Variants in PTPRT observed in about 807,000 individuals in gnomAD.
PTPRT encodes protein tyrosine phosphatase receptor type T, also known as receptor-type tyrosine-protein phosphatase T.
PTPRT carries 56 observed loss-of-function variants against 176.8 expected under a neutral mutation model. The ratio of observed to expected loss-of-function variants is 0.32; its 90% confidence interval spans 0.26 to 0.40. The LOEUF is 0.40. Ranked by LOEUF, PTPRT falls within the 10% of genes least tolerant of loss-of-function variation. PTPRT has a pLI of 1.00. For missense variants in PTPRT, 1,540 were observed against 1,908.2 expected, an observed-to-expected ratio of 0.81 and a Z score of 3.60; for synonymous variants, 783 against 739.0, an observed-to-expected ratio of 1.06 and a Z score of -0.96.
chr20:42,830,664 T>C (rs1286338020), intron 2 of PTPRT, among the ~76,000 whole-genome samples: 2 of 151,974 alleles, frequency 1.3e-5, no homozygotes, highest in African/African-American at 2.4e-5. Flanking sequence ...ACTCCCCCTG[T>C]TTGCATACAA....
chr20:43,172,455 C>T (rs977876508), intron 1 of PTPRT, among the ~76,000 whole-genome samples: 5 of 152,214 alleles, frequency 3.3e-5, no homozygotes, highest in Admixed American at 3.3e-4. Context: ...ACCGACTCAT[C>T]CTGATTTGTC....
chr20:42,600,662 G>A (rs528905357), intron 7 of PTPRT, among the ~76,000 whole-genome samples: 23 of 152,120 alleles, frequency 1.5e-4, no homozygotes, highest in African/African-American at 4.1e-4. Context: ...CACTCTGTAC[G>A]CCTGTGTGAA....
chr20:42,830,705 C>CA (rs1439285348), intron 2 of PTPRT, among the ~76,000 whole-genome samples: 1 of 152,126 alleles, frequency 6.6e-6, no homozygotes, highest in Non-Finnish European at 1.5e-5. Flanking sequence ...AATCAGGATA[C>CA]AAAATCAGTG....
At chr20:42,052,002 T>C in the PTPRT span, among the ~76,000 whole-genome samples, 5 of 152,250 alleles carry the variant, frequency 3.3e-5, no homozygotes, top group Non-Finnish European at 5.9e-5. Flanking sequence ...TTATACTGAT[T>C]GATGTGTTTG....
At chr20:42,746,780 G>A (rs1033572523) in intron 6 of PTPRT, among the ~76,000 whole-genome samples, 11 of 152,120 alleles carry the variant, frequency 7.2e-5, no homozygotes, top group Non-Finnish European at 2.9e-5. Flanking sequence ...TAGGGTTCCA[G>A]GAAAGTCAAG....
At chr20:42,736,975 C>T (rs1460905926) in intron 6 of PTPRT, among the ~76,000 whole-genome samples, 1 of 152,170 alleles carries the variant, frequency 6.6e-6, no homozygotes, top group Non-Finnish European at 1.5e-5. Flanking sequence ...GAAGCAAAAA[C>T]ATACAAGAAT....
chr20:42,225,701 G>A (rs1451948861), intron 15 of PTPRT, among the ~76,000 whole-genome samples: 1 of 152,182 alleles, frequency 6.6e-6, no homozygotes, highest in Non-Finnish European at 1.5e-5. Flanking sequence ...CGCCCAGGCT[G>A]GAGCGCAGCT....
chr20:43,145,192 A>G (rs928476646), intron 1 of PTPRT, among the ~76,000 whole-genome samples: 4 of 152,230 alleles, frequency 2.6e-5, no homozygotes, highest in Non-Finnish European at 5.9e-5. Context: ...TTGTTCACCA[A>G]TGTCTCCCTA....
chr20:42,095,060 A>G (rs6029967), intron 27 of PTPRT, among the ~76,000 whole-genome samples: 3,520 of 151,936 alleles, frequency 0.023, 137 homozygotes, highest in African/African-American at 0.079. Flanking sequence ...TCCATAGTCA[A>G]TCTCTCTGGA....
chr20:42,725,009 T>TTGTGTGTGTGTG (rs147376328), intron 6 of PTPRT, among the ~76,000 whole-genome samples: 34 of 133,952 alleles, frequency 2.5e-4, no homozygotes, highest in African/African-American at 9.0e-4. Flanking sequence ...TGGACATCTT[T>TTGTGTGTGTGTG]TGTGTGTGTG....
chr20:42,352,374 G>A lies in PTPRT; in HGVS notation c.1561-89C>T, dbSNP rs556562528. 125 of 1,308,702 alleles carry A rather than the reference G, an allele frequency of 9.6e-5. No individual in the cohort carries two copies. In the South Asian group the frequency reaches 1.1e-3, roughly 12 times the overall value. The allele number at this position is 1,308,702 out of a possible 1,614,324, so 81.1% of individuals were successfully genotyped here. On this transcript the variant is annotated intron_variant, in intron 9 of 30. Transcript: ENST00000373187. ...TCCTTTAGAGGAACCTTAGGGAGGC[G>A]GGGGAAGGGGCAGGCATGTGAACTT...
At chr20:42,888,033 C>A (rs999403381) in intron 1 of PTPRT, among the ~76,000 whole-genome samples, 1 of 152,156 alleles carries the variant, frequency 6.6e-6, no homozygotes, top group Admixed American at 6.5e-5. Context: ...AATCTGCTAT[C>A]ACCTTGATCT....
chr20:43,019,172 C>T (rs924610479), intron 1 of PTPRT, among the ~76,000 whole-genome samples: 7 of 152,122 alleles, frequency 4.6e-5, no homozygotes, highest in African/African-American at 1.7e-4. Context: ...GTAGAAAGAT[C>T]ATTGTGATGG....
chr20:42,299,064 T>C (rs187264564), intron 12 of PTPRT, among the ~76,000 whole-genome samples: 1 of 152,154 alleles, frequency 6.6e-6, no homozygotes, highest in East Asian at 1.9e-4. Flanking sequence ...ATAACATACA[T>C]TGACTTCAAA....
chr20:42,633,816 TATA>T (rs1215345055), intron 7 of PTPRT, among the ~76,000 whole-genome samples: 3 of 64,074 alleles, frequency 4.7e-5, no homozygotes, highest in Non-Finnish European at 6.3e-5. Context: ...TATATATATA[TATA>T]ATAAAATATT....
chr20:43,184,287 G>A (rs555782390), intron 1 of PTPRT, among the ~76,000 whole-genome samples: 102 of 152,280 alleles, frequency 6.7e-4, no homozygotes, highest in African/African-American at 2.3e-3. Flanking sequence ...CAATTTCCAG[G>A]TGACTTACCA....
At chr20:42,971,791 T>C (rs571698363) in intron 1 of PTPRT, among the ~76,000 whole-genome samples, 1 of 152,096 alleles carries the variant, frequency 6.6e-6, no homozygotes, top group Non-Finnish European at 1.5e-5. Flanking sequence ...AAGAACCATA[T>C]GGGCTAGAGC....
At chr20:42,212,328 A>AT (rs1363230950) in intron 15 of PTPRT, among the ~76,000 whole-genome samples, 2 of 150,498 alleles carry the variant, frequency 1.3e-5, no homozygotes, top group African/African-American at 4.9e-5. Context: ...CAAAAAAAAA[A>AT]AAAGAGTTCA....
At chr20:42,087,896 TAGAA>T (rs1984167764) in intron 27 of PTPRT, among the ~76,000 whole-genome samples, 2 of 108,618 alleles carry the variant, frequency 1.8e-5, no homozygotes, top group African/African-American at 6.6e-5. Context: ...AAAAAAAAAA[TAGAA>T]GAAGAAGAAG....
Sources: gnomAD v4.1 joint callset for allele counts (sites outside exome capture counted in the v4.1 genomes callset) on GRCh38, gnomAD v4.1.1 for gene constraint, MANE v1.5 for transcripts, NCBI Gene and HGNC (gene_info 2026-07-23, HGNC 2026-07-21) for gene names.